Variants in TMEM62 observed in about 807,000 individuals in gnomAD.
TMEM62 encodes transmembrane protein 62.
In TMEM62, 41 loss-of-function variants were observed where a neutral mutation model predicts 70.4. That is an observed-to-expected ratio of 0.58 (90% CI 0.45 to 0.76). The LOEUF (loss-of-function observed/expected upper bound fraction) is 0.76, where lower values mean the gene tolerates loss of function less well. Ranked by LOEUF, TMEM62 falls within the 30% of genes least tolerant of loss-of-function variation. The probability of loss-of-function intolerance (pLI) is 0.00; values close to 1 mark genes in which losing one functional copy is unlikely to be tolerated. For missense variants in TMEM62, 688 were observed against 788.5 expected, an observed-to-expected ratio of 0.87 and a Z score of 1.53; for synonymous variants, 268 against 291.0, an observed-to-expected ratio of 0.92 and a Z score of 0.80.
chr15:43,143,646 TG>T (rs1294068004), intron 4 of TMEM62, among the ~76,000 whole-genome samples: 4 of 152,248 alleles, frequency 2.6e-5, no homozygotes, highest in Non-Finnish European at 5.9e-5. Context: ...CTGGCCTCTG[TG>T]GTGGCTGGAG....
At chr15:43,178,501 TTTGCTGAA>T (rs1388671122) in intron 11 of TMEM62, 98 bp from the exon 12 acceptor site, 6 of 657,416 alleles carry the variant, frequency 9.1e-6, no homozygotes, top group Non-Finnish European at 1.6e-5. Flanking sequence ...TAACAAAGGA[TTTGCTGAA>T]TATATGGTAG....
intron 10 of TMEM62, among the ~76,000 whole-genome samples, chr15:43,167,208 G>A (rs1351847379): frequency 2.0e-5 from 3 of 151,502 alleles, no homozygotes; most frequent in Non-Finnish European, 3.0e-5. Flanking sequence ...CTGGCCGGGC[G>A]GGGGGCTGAC....
chr15:43,154,328 C>T (rs1020002892), intron 8 of TMEM62, among the ~76,000 whole-genome samples: 6 of 152,128 alleles, frequency 3.9e-5, no homozygotes, highest in African/African-American at 1.4e-4. Context: ...ATGAGATTTC[C>T]ACCCTATATT....
rs577319457 is a variant in TMEM62 at position 43,134,511 on chromosome 15, A to C, written c.292+143A>C. Reference sequence around the variant, plus strand: ...AGCTCTGTGAGGTGGAAGAGATTGGACATTCTAACCCCTTTGCCTATGGAT... The same window carrying C: ...AGCTCTGTGAGGTGGAAGAGATTGGCCATTCTAACCCCTTTGCCTATGGAT... On this transcript the variant is annotated intron_variant, in intron 2 of 13. Coordinates refer to ENST00000260403, the MANE Select transcript of TMEM62 (RefSeq NM_024956.4). The C allele has an allele frequency of 2.5e-5, 16 of 644,180 alleles. No homozygotes were observed. In the African/African-American group the frequency reaches 2.7e-4, roughly 11 times the overall value. 39.9% of individuals were successfully genotyped at this position (644,180 alleles called of 1,614,324 possible).
chr15:43,178,805 G>A, intron 12 of TMEM62, 94 bp downstream of exon 12: 2 of 629,018 alleles, frequency 3.2e-6, no homozygotes, highest in Non-Finnish European at 5.3e-6. Context: ...ATAACAAATG[G>A]CTCATGGATT....
Position 43,169,622 on chromosome 15 carries a change from G to A in TMEM62, c.1326G>A (p.Leu442=). Residue 442 remains leucine, a synonymous_variant, in exon 11 of 14, where the codon CTG becomes CTA. Transcript: ENST00000260403. ...MARVLFVLIV[L]SQLTILIIFR... is the part of the protein sequence containing the mutation. ...GGGTCCTTTTTGTGCTGATTGTGCT[G>A]AGCCAGCTCACCATTCTCATTATTT... is the stretch of plus-strand genomic sequence containing the variant. The A allele has an allele frequency of 1.2e-6, 2 of 1,614,068 alleles. No homozygotes were observed. The highest frequency in any genetic ancestry group is 2.2e-5 in the East Asian group (1 of 44,876).
At chr15:43,134,035 G>T in intron 1 of TMEM62, 53 bp downstream of exon 1, 1 of 1,436,982 alleles carries the variant, frequency 7.0e-7, no homozygotes, top group Non-Finnish European at 9.1e-7. Context: ...GGCACCGTGC[G>T]GTGGGACCCT....
At chr15:43,171,768 C>T in intron 11 of TMEM62, among the ~76,000 whole-genome samples, 1 of 151,708 alleles carries the variant, frequency 6.6e-6, no homozygotes, top group Non-Finnish European at 1.5e-5. Flanking sequence ...GATGGGACTA[C>T]AGGCGCCCAC....
At chr15:43,154,980 C>A in intron 9 of TMEM62, 149 bp downstream of exon 9, 1 of 705,646 alleles carries the variant, frequency 1.4e-6, no homozygotes, top group Non-Finnish European at 2.2e-6. Context: ...GTAATCCCAG[C>A]ACTTTGGGAG....
intron 10 of TMEM62, among the ~76,000 whole-genome samples, chr15:43,166,722 C>G (rs181110494): frequency 6.6e-6 from 1 of 152,206 alleles, no homozygotes; most frequent in Non-Finnish European, 1.5e-5. Context: ...GTTTTTGTGT[C>G]CCTGGGTACT....
rs2041032353 is a variant in TMEM62, at chr15:43,178,666, ATCT to A, written c.1445_1447del (p.Phe482del). Reference sequence around the variant, plus strand: ...TCTTCATGTCTTGAGCAAAATAAACATCTTCTACTATTCTGTGTTGTTGTTGAC... The same window carrying A: ...TCTTCATGTCTTGAGCAAAATAAACATCTACTATTCTGTGTTGTTGTTGAC... On this transcript the variant is annotated inframe_deletion, in exon 12 of 14. Transcript: ENST00000260403. The A allele has an allele frequency of 2.5e-6, 4 of 1,612,998 alleles. No individual in the cohort carries two copies. Among genetic ancestry groups the A allele is most frequent in the African/African-American group, 1.3e-5 (1 of 74,992 alleles).
At chr15:43,158,002 T>C (rs756664705) in intron 9 of TMEM62, among the ~76,000 whole-genome samples, 3 of 152,126 alleles carry the variant, frequency 2.0e-5, no homozygotes, top group Non-Finnish European at 4.4e-5. Context: ...CCCTCTTTTT[T>C]GTACCCTTAA....
chr15:43,165,742 A>C (rs1239660986), intron 10 of TMEM62, among the ~76,000 whole-genome samples: 1 of 151,806 alleles, frequency 6.6e-6, no homozygotes, highest in African/African-American at 2.4e-5. Context: ...CAAAAAAAAA[A>C]TAAAATAAAT....
intron 8 of TMEM62, among the ~76,000 whole-genome samples, chr15:43,153,611 G>A (rs2037669036): frequency 6.6e-6 from 1 of 152,136 alleles, no homozygotes; most frequent in African/African-American, 2.4e-5. Context: ...TGTGGCATAT[G>A]TCAGAATTTC....
intron 10 of TMEM62, among the ~76,000 whole-genome samples, chr15:43,167,551 C>T (rs2039650037): frequency 6.6e-6 from 1 of 152,038 alleles, no homozygotes; most frequent in South Asian, 2.1e-4. Flanking sequence ...ACGCTCCTCA[C>T]TTCCTAGATG....
intron 10 of TMEM62, among the ~76,000 whole-genome samples, chr15:43,162,112 T>C (rs555966020): frequency 3.8e-4 from 58 of 152,248 alleles, no homozygotes; most frequent in African/African-American, 1.2e-3. Flanking sequence ...CTGCATTATA[T>C]TGCCATAGAT....
chr15:43,142,567 G>A (rs1414872818), intron 4 of TMEM62, among the ~76,000 whole-genome samples: 1 of 152,086 alleles, frequency 6.6e-6, no homozygotes, highest in Non-Finnish European at 1.5e-5. Context: ...TGATCAGTCA[G>A]CAGCCACCAA....
chr15:43,135,458 G>A lies in TMEM62; in HGVS notation c.293-54G>A, dbSNP rs1296019347. 1.0e-5 allele frequency: 16 copies of A among 1,529,232 alleles called. No homozygotes were observed. In the Middle Eastern group the frequency reaches 7.0e-4, roughly 67 times the overall value. The allele number at this position is 1,529,232 out of a possible 1,614,324, so 94.7% of individuals were successfully genotyped here. ...TCAGTGTACATATCTAAAAAAAATG[G>A]AACCCCCAGTAGTTTATTTTGCATT... is the stretch of plus-strand genomic sequence containing the variant. On this transcript the variant is annotated intron_variant, in intron 2 of 13. Coordinates refer to ENST00000260403, the MANE Select transcript of TMEM62 (RefSeq NM_024956.4).
chr15:43,182,518 G>A (rs969284634), intron 13 of TMEM62, among the ~76,000 whole-genome samples: 5 of 148,898 alleles, frequency 3.4e-5, no homozygotes, highest in Admixed American at 2.0e-4. Flanking sequence ...CAATGGCATC[G>A]TCTCGGCTCA....
Sources: gnomAD v4.1 joint callset for allele counts (sites outside exome capture counted in the v4.1 genomes callset) on GRCh38, gnomAD v4.1.1 for gene constraint, MANE v1.5 for transcripts, NCBI Gene and HGNC (gene_info 2026-07-23, HGNC 2026-07-21) for gene names.